The following GPATCH11 variants were observed in gnomAD, a reference collection of about 807,000 sequenced individuals.
GPATCH11 encodes G patch domain-containing protein 11.
Under a neutral mutation model 44.8 loss-of-function variants are expected in GPATCH11, and 32 were observed. That is an observed-to-expected ratio of 0.71 (90% CI 0.54 to 0.96). The LOEUF (loss-of-function observed/expected upper bound fraction) is 0.96. Ranked by LOEUF, GPATCH11 falls within the 40% of genes least tolerant of loss-of-function variation. The pLI, the probability that GPATCH11 is intolerant of heterozygous loss-of-function variation, is 0.00. For synonymous variants in GPATCH11, 84 were observed against 94.4 expected (o/e 0.89, Z 0.64); for missense variants, 324 against 303.1 (o/e 1.07, Z -0.51).
intron 1 of GPATCH11, among the ~76,000 whole-genome samples, chr2:37,087,596 T>C (rs1237574083): frequency 1.3e-5 from 2 of 152,224 alleles, no homozygotes; most frequent in African/African-American, 4.8e-5. Flanking sequence ...CCTCAAAATA[T>C]TTCCACATAA....
chr2:37,088,232 T>C, intron 1 of GPATCH11, 137 bp from the exon 2 acceptor site: 1 of 440,308 alleles, frequency 2.3e-6, no homozygotes, highest in Non-Finnish European at 4.1e-6. Flanking sequence ...GAGTTTGAAA[T>C]GTCCACAGAT....
chr2:37,090,134 A>C (rs1334380843), intron 3 of GPATCH11, among the ~76,000 whole-genome samples: 5 of 152,234 alleles, frequency 3.3e-5, no homozygotes, highest in African/African-American at 1.2e-4. Flanking sequence ...ACAACAGAAG[A>C]AGCAAAGAAT....
chr2:37,090,532 T>C, intron 3 of GPATCH11, 149 bp from the exon 4 acceptor site: 1 of 552,274 alleles, frequency 1.8e-6, no homozygotes, highest in Non-Finnish European at 3.2e-6. Flanking sequence ...ATTGATTATA[T>C]ATAGAATATA....
In GPATCH11 at chr2:37,088,370, T is replaced by TA. The variant is rs1419919086; in HGVS notation, c.-11dup. The TA allele has an allele frequency of 6.8e-7, 1 of 1,467,940 alleles. No homozygotes were observed. Among genetic ancestry groups the TA allele is most frequent in the Non-Finnish European group, 9.3e-7 (1 of 1,070,444 alleles). 90.9% of individuals were successfully genotyped at this position (1,467,940 alleles called of 1,614,324 possible). A position where few individuals can be genotyped will look rare whatever the true frequency, so the allele number is the denominator to read the frequency against. On this transcript the variant is annotated splice_region_variant and 5_prime_UTR_variant, in exon 2 of 9. It introduces an in-frame stop codon into an upstream open reading frame of the 5' UTR. Coordinates refer to ENST00000674370, the MANE Select transcript of GPATCH11 (RefSeq NM_174931.4). ...AAGTAATTATTACTTTATTTGTAGA[T>TA]ACTATAGCCATATGAAGTTGAACAT... is the stretch of plus-strand genomic sequence containing the variant.
chr2:37,095,832 A>G (rs1465717566), intron 8 of GPATCH11, among the ~76,000 whole-genome samples: 1 of 152,218 alleles, frequency 6.6e-6, no homozygotes, highest in Admixed American at 6.5e-5. Context: ...ATTTGAAAGA[A>G]TTTATATTAA....
intron 2 of GPATCH11, among the ~76,000 whole-genome samples, chr2:37,089,081 A>G (rs575919663): frequency 6.6e-6 from 1 of 152,238 alleles, no homozygotes; most frequent in Admixed American, 6.5e-5. Flanking sequence ...GTAAGTCTAA[A>G]CTTACTATAT....
chr2:37,095,548 A>C, intron 8 of GPATCH11, 30 bp downstream of exon 8: 2 of 1,548,074 alleles, frequency 1.3e-6, no homozygotes, highest in Non-Finnish European at 1.7e-6. Flanking sequence ...CTTTTTAAAA[A>C]TAGATGAATG....
rs1295102940 is a variant in GPATCH11 at position 37,085,947 on chromosome 2, A to T, written c.-14+1377A>T. The stretch of plus-strand genomic sequence containing the variant: ...GGCTCATGAGTTTGTGCTGGCTTTT[A>T]ATAGGAGGACTCAGTTCCAATCGTG... On this transcript the variant is annotated intron_variant, in intron 1 of 8. Transcript: ENST00000674370. Among the ~76,000 whole-genome samples, 6 of 152,216 alleles carry T rather than the reference A, an allele frequency of 3.9e-5. No individual in the cohort carries two copies. In the East Asian group the frequency reaches 1.2e-3, roughly 29 times the overall value.
chr2:37,093,054 G>C (rs897196861), intron 6 of GPATCH11, among the ~76,000 whole-genome samples: 8 of 152,172 alleles, frequency 5.3e-5, no homozygotes, highest in Admixed American at 2.0e-4. Flanking sequence ...GCTGAAGTGG[G>C]AGAATCACTT....
At chr2:37,090,291 CTTT>C (rs1673253143) in intron 3 of GPATCH11, among the ~76,000 whole-genome samples, 1 of 152,200 alleles carries the variant, frequency 6.6e-6, no homozygotes, top group African/African-American at 2.4e-5. Flanking sequence ...TCTCACCTCT[CTTT>C]TTAGGAAGTG....
chr2:37,090,605 T>A (rs1673269271), intron 3 of GPATCH11, 76 bp from the exon 4 acceptor site: 1 of 754,724 alleles, frequency 1.3e-6, no homozygotes, highest in Non-Finnish European at 2.2e-6. Flanking sequence ...CATAGAGCAT[T>A]GTAAAGTTGC....
intron 6 of GPATCH11, among the ~76,000 whole-genome samples, chr2:37,093,424 A>G (rs1673427672): frequency 6.6e-6 from 1 of 152,202 alleles, no homozygotes; most frequent in Non-Finnish European, 1.5e-5. Context: ...TGAAGTCTCA[A>G]AAAGCTTTGT....
chr2:37,090,831 G>T, intron 4 of GPATCH11, 109 bp downstream of exon 4: 1 of 577,250 alleles, frequency 1.7e-6, no homozygotes, highest in South Asian at 2.5e-5. Flanking sequence ...TACTGTTACA[G>T]TTCAGTAAAA....
At chr2:37,090,347 C>T (rs547144300) in intron 3 of GPATCH11, among the ~76,000 whole-genome samples, 2 of 152,246 alleles carry the variant, frequency 1.3e-5, no homozygotes, top group African/African-American at 4.8e-5. Context: ...TTATAGTAAC[C>T]TCTGTAAACC....
chr2:37,095,303 C>A, intron 7 of GPATCH11, 134 bp from the exon 8 acceptor site: 1 of 1,133,200 alleles, frequency 8.8e-7, no homozygotes. Context: ...CAGTTCTGTC[C>A]TTGACATTTC....
chr2:37,095,044 A>T (rs1265370527), intron 7 of GPATCH11, among the ~76,000 whole-genome samples: 1 of 152,198 alleles, frequency 6.6e-6, no homozygotes, highest in Non-Finnish European at 1.5e-5. Context: ...CACAATTTGA[A>T]AAACCTATAT....
chr2:37,086,452 GT>G (rs1436801454), intron 1 of GPATCH11, among the ~76,000 whole-genome samples: 1 of 152,134 alleles, frequency 6.6e-6, no homozygotes, highest in African/African-American at 2.4e-5. Context: ...TTGTCTTTGT[GT>G]TTAACACAAG....
At chr2:37,088,817 C>T (rs115218070) in intron 2 of GPATCH11, among the ~76,000 whole-genome samples, 5,238 of 152,312 alleles carry the variant, frequency 0.034, 126 homozygotes, top group Non-Finnish European at 0.052. Context: ...CCACCGTGCC[C>T]AGCCTGACAG....
At position 37,092,178 on chromosome 2, in the gene GPATCH11, A is replaced by C. The variant is rs150293487; in HGVS notation, c.463A>C (p.Asn155His). 1.5e-4 allele frequency: 235 copies of C among 1,557,366 alleles called. 1 individual carries two copies. The African/African-American group carries it at 2.6e-3, about 18-fold the overall frequency. Residue 155 changes from asparagine to histidine, a missense_variant, in exon 6 of 9, where the codon AAT becomes CAT. Physicochemically the swap from Asn to His is moderately conservative, Grantham distance 68. Coordinates refer to ENST00000674370, the MANE Select transcript of GPATCH11 (RefSeq NM_174931.4). Reference protein sequence around the residue: ...AAEQFRMRLKNKQDEMKLEGD... With the variant: ...AAEQFRMRLKHKQDEMKLEGD... ...TCTTTCAATTAGAATGCGACTTAAA[A>C]ATAAGCAAGATGAAATGAAGCTAGA... is the stretch of plus-strand genomic sequence containing the variant.
Sources: gnomAD v4.1 joint callset for allele counts (sites outside exome capture counted in the v4.1 genomes callset) on GRCh38, gnomAD v4.1.1 for gene constraint, MANE v1.5 for transcripts, NCBI Gene and HGNC (gene_info 2026-07-23, HGNC 2026-07-21) for gene names.